NMNAT3: variants seen among roughly 807,000 people sequenced by gnomAD.
NMNAT3 encodes nicotinamide nucleotide adenylyltransferase 3.
A neutral mutation model predicts 24.8 loss-of-function variants in NMNAT3; 21 were observed. The ratio of observed to expected loss-of-function variants is 0.85; its 90% CI spans 0.60 to 1.22. NMNAT3 has a LOEUF of 1.22. Among genes scored for constraint, NMNAT3 ranks in the 50% most tolerant of loss-of-function variants. NMNAT3 has a pLI of 0.00. For synonymous variants in NMNAT3, 136 were observed against 155.2 expected, an observed-to-expected ratio of 0.88 and a Z score of 0.92; for missense variants, 387 against 436.6, an observed-to-expected ratio of 0.89 and a Z score of 1.01.
In NMNAT3 at chr3:139,583,505, A is replaced by G. The variant is rs149043263; in HGVS notation, c.110-297T>C. On this transcript the variant is annotated intron_variant, in intron 3 of 6. Transcript: ENST00000643695. ...GTTTTGAAGGGGATCTTCTGAAGCTATGGAAGTAGTTTGTGACTGTTTTGT... is the reference window on the plus strand; with the variant it reads ...GTTTTGAAGGGGATCTTCTGAAGCTGTGGAAGTAGTTTGTGACTGTTTTGT... The G allele has an allele frequency of 1.1e-5, 17 of 1,568,408 alleles. No homozygotes were observed. In the African/African-American group the frequency reaches 1.6e-4, roughly 15 times the overall value.
At chr3:139,576,172 A>G (rs1471788399) in intron 5 of NMNAT3, 39 of 985,318 alleles carry the variant, frequency 4.0e-5, no homozygotes, top group South Asian at 4.7e-5. Flanking sequence ...GGAGCAAAAG[A>G]TGGGGTGGAT....
At chr3:139,631,774 G>A (rs1454312570) in intron 2 of NMNAT3, among the ~76,000 whole-genome samples, 18 of 151,944 alleles carry the variant, frequency 1.2e-4, no homozygotes, top group Non-Finnish European at 2.9e-5. Context: ...CTGATGATCT[G>A]CCTTCAAGGT....
chr3:139,573,424 A>G (rs887562809), intron 6 of NMNAT3, among the ~76,000 whole-genome samples, 174 bp downstream of exon 6: 7 of 152,172 alleles, frequency 4.6e-5, no homozygotes, highest in Non-Finnish European at 1.0e-4. Flanking sequence ...CAGATTGTCT[A>G]ATCTGAACTT....
chr3:139,568,648 G>A (rs1306994976), intron 6 of NMNAT3: 8 of 152,272 alleles, frequency 5.3e-5, no homozygotes, highest in Admixed American at 2.6e-4. Context: ...GTAGCTGAGC[G>A]GTTTTGAGTG....
intron 5 of NMNAT3, among the ~76,000 whole-genome samples, chr3:139,574,269 C>T (rs891628785): frequency 3.3e-5 from 5 of 152,228 alleles, no homozygotes; most frequent in African/African-American, 7.2e-5. Context: ...TCAGCTCCTC[C>T]ACCAGCTGGC....
chr3:139,573,082 C>T (rs771143125), intron 6 of NMNAT3, among the ~76,000 whole-genome samples: 1 of 152,194 alleles, frequency 6.6e-6, no homozygotes, highest in Non-Finnish European at 1.5e-5. Context: ...CAGGAAATTA[C>T]AACACTTCCT....
intron 3 of NMNAT3, among the ~76,000 whole-genome samples, chr3:139,601,118 T>TA (rs2054695087): frequency 6.6e-6 from 1 of 152,172 alleles, no homozygotes; most frequent in South Asian, 2.1e-4. Flanking sequence ...TGGCTGGGCA[T>TA]AAAGTCTGCT....
At chr3:139,584,211 A>C (rs1347760863) in intron 3 of NMNAT3, 1 of 153,426 alleles carries the variant, frequency 6.5e-6, no homozygotes. Context: ...TCTTTCCTTG[A>C]GAACTTGTTT....
chr3:139,603,249 T>C (rs1244257323), intron 3 of NMNAT3, among the ~76,000 whole-genome samples: 1 of 152,208 alleles, frequency 6.6e-6, no homozygotes, highest in Admixed American at 6.5e-5. Context: ...CATGCTTGTT[T>C]AGTTTTTATG....
chr3:139,625,751 T>C (rs1023858006), intron 3 of NMNAT3, among the ~76,000 whole-genome samples: 2 of 152,182 alleles, frequency 1.3e-5, no homozygotes, highest in Non-Finnish European at 2.9e-5. Flanking sequence ...TGCTCTGTAT[T>C]CCTGTGTTGG....
chr3:139,659,604 G>A (rs2057351968), intron 1 of NMNAT3, among the ~76,000 whole-genome samples: 1 of 152,192 alleles, frequency 6.6e-6, no homozygotes. Flanking sequence ...ATATAGGGGG[G>A]AGTAAAGATA....
intron 2 of NMNAT3, chr3:139,637,113 G>A (rs975225135): frequency 6.6e-6 from 1 of 152,184 alleles, no homozygotes; most frequent in East Asian, 1.9e-4. Flanking sequence ...CTTTCTAACC[G>A]AGTTACCTTG....
At chr3:139,563,229 A>T (rs1044793366) in intron 6 of NMNAT3, among the ~76,000 whole-genome samples, 1 of 152,218 alleles carries the variant, frequency 6.6e-6, no homozygotes, top group African/African-American at 2.4e-5. Context: ...ACATATGTAT[A>T]TTTGAACGGT....
chr3:139,584,142 G>A (rs2053809207), intron 3 of NMNAT3: 1 of 153,224 alleles, frequency 6.5e-6, no homozygotes, highest in South Asian at 2.1e-4. Context: ...GTGTTATTTT[G>A]CTATTCTTTT....
chr3:139,627,872 TGAG>T, intron 2 of NMNAT3, 108 bp from the exon 4 acceptor site: 1 of 482,250 alleles, frequency 2.1e-6, no homozygotes, highest in Admixed American at 3.7e-5. Context: ...GTAAGATGAC[TGAG>T]GAGGCCATTA....
chr3:139,570,723 C>G (rs1938124768), intron 6 of NMNAT3: 1 of 152,802 alleles, frequency 6.5e-6, no homozygotes, highest in Non-Finnish European at 1.5e-5. Flanking sequence ...CAGAGGAGTA[C>G]TCGGCCGTGT....
At chr3:139,633,115 C>T (rs150251311) in intron 2 of NMNAT3, among the ~76,000 whole-genome samples, 4 of 151,984 alleles carry the variant, frequency 2.6e-5, no homozygotes, top group East Asian at 3.9e-4. Context: ...AGAAGGAACG[C>T]GGACCCCTTC....
At chr3:139,614,381 G>C (rs1421096559) in intron 3 of NMNAT3, among the ~76,000 whole-genome samples, 1 of 152,124 alleles carries the variant, frequency 6.6e-6, no homozygotes, top group Non-Finnish European at 1.5e-5. Flanking sequence ...CACCAAATCT[G>C]TGTTTGGGAC....
intron 6 of NMNAT3, among the ~76,000 whole-genome samples, chr3:139,564,544 G>C (rs765304079): frequency 2.0e-5 from 3 of 152,168 alleles, no homozygotes; most frequent in African/African-American, 7.2e-5. Context: ...CCATCCCAAA[G>C]TGTCACACCC....
Sources: allele counts gnomAD v4.1 joint callset (sites outside exome capture counted in the v4.1 genomes callset), GRCh38; gene constraint gnomAD v4.1.1; transcripts MANE v1.5; gene names NCBI Gene and HGNC (gene_info 2026-07-23, HGNC 2026-07-21).